HIPK2: variants seen among roughly 807,000 people sequenced by gnomAD.
HIPK2 encodes the protein homeodomain-interacting protein kinase 2.
HIPK2 carries 27 observed loss-of-function variants against 113.7 expected under a neutral mutation model. The ratio of observed to expected loss-of-function variants is 0.24; its 90% CI spans 0.17 to 0.33. The LOEUF is 0.33. HIPK2 is among the 10% of genes least tolerant of loss of function. HIPK2 has a pLI of 1.00. For missense variants in HIPK2, 1,257 were observed against 1,588.0 expected (o/e 0.79, Z 3.54); for synonymous variants, 631 against 642.2 (o/e 0.98, Z 0.26).
At chr7:139,653,359 A>G (rs552297287) in intron 2 of HIPK2, among the ~76,000 whole-genome samples, 1 of 151,982 alleles carries the variant, frequency 6.6e-6, no homozygotes, top group Admixed American at 6.6e-5. Context: ...ATTTGTCTGT[A>G]AACATGAGTA....
chr7:139,624,310 A>G (rs1800345644), intron 6 of HIPK2, among the ~76,000 whole-genome samples: 1 of 152,184 alleles, frequency 6.6e-6, no homozygotes, highest in Non-Finnish European at 1.5e-5. Context: ...GGTGTGAGCC[A>G]CTGCAACCGG....
chr7:139,682,029 A>G (rs1802719120), intron 2 of HIPK2, among the ~76,000 whole-genome samples: 1 of 152,130 alleles, frequency 6.6e-6, no homozygotes, highest in Non-Finnish European at 1.5e-5. Flanking sequence ...GGCTTATGTC[A>G]TGCTGGTACA....
chr7:139,659,887 T>G (rs1585342160), intron 2 of HIPK2, among the ~76,000 whole-genome samples: 1 of 152,242 alleles, frequency 6.6e-6, no homozygotes, highest in African/African-American at 2.4e-5. Flanking sequence ...TTTACTTGGG[T>G]TTAGTCTCTT....
At chr7:139,685,823 A>C (rs1175675054) in intron 2 of HIPK2, among the ~76,000 whole-genome samples, 1 of 152,250 alleles carries the variant, frequency 6.6e-6, no homozygotes, top group African/African-American at 2.4e-5. Flanking sequence ...ATGACTGCTC[A>C]TTGACAATGT....
intron 2 of HIPK2, among the ~76,000 whole-genome samples, chr7:139,674,712 G>A (rs918403710): frequency 6.6e-6 from 1 of 152,218 alleles, no homozygotes; most frequent in African/African-American, 2.4e-5. Context: ...TCAATTCCCA[G>A]AGCTAATTAA....
intron 13 of HIPK2, among the ~76,000 whole-genome samples, chr7:139,575,931 C>T (rs1340581329): frequency 6.6e-6 from 1 of 152,238 alleles, no homozygotes; most frequent in African/African-American, 2.4e-5. Context: ...TGCTGGCATC[C>T]TGTTCTTGGA....
At chr7:139,680,907 C>T (rs1207059056) in intron 2 of HIPK2, among the ~76,000 whole-genome samples, 1 of 152,242 alleles carries the variant, frequency 6.6e-6, no homozygotes, top group Non-Finnish European at 1.5e-5. Context: ...GTGAGGCAGC[C>T]ACAGGGCCAC....
At position 139,646,455 on chromosome 7, in the gene HIPK2, A is replaced by C. The variant is rs570531473; in HGVS notation, c.1104-14730T>G. 1.5e-3 allele frequency among the ~76,000 whole-genome samples: 224 copies of C among 150,426 alleles called. 5 individuals are homozygous for C. The highest frequency in any genetic ancestry group is 2.1e-3 in the Admixed American group (32 of 14,996). ...GTCGAGGCTGCAGTGAGCTGTGATC[A>C]CGCCACTGCACTCCAGCCTGGGTGA... On this transcript the variant is annotated intron_variant, in intron 2 of 14. Transcript: ENST00000406875.
chr7:139,575,578 G>A (rs910783261), intron 13 of HIPK2, among the ~76,000 whole-genome samples: 1 of 152,228 alleles, frequency 6.6e-6, no homozygotes, highest in Non-Finnish European at 1.5e-5. Flanking sequence ...GTGGCCTAAG[G>A]CCAGGCCCAG....
chr7:139,743,810 A>G (rs1260287367), intron 1 of HIPK2, among the ~76,000 whole-genome samples: 1 of 152,204 alleles, frequency 6.6e-6, no homozygotes, highest in African/African-American at 2.4e-5. Context: ...TTAGTTCCAG[A>G]GGTCACCTAA....
chr7:139,743,924 C>A (rs909397667), intron 1 of HIPK2, among the ~76,000 whole-genome samples: 3 of 152,124 alleles, frequency 2.0e-5, no homozygotes, highest in African/African-American at 7.2e-5. Context: ...AGAACTCTTA[C>A]AACTCAATAA....
chr7:139,660,458 G>A (rs899862520), intron 2 of HIPK2, among the ~76,000 whole-genome samples: 1 of 152,210 alleles, frequency 6.6e-6, no homozygotes, highest in Non-Finnish European at 1.5e-5. Context: ...AGAAATAAGG[G>A]AGATAAAAGT....
chr7:139,776,131 G>C (rs1225794556), intron 1 of HIPK2, among the ~76,000 whole-genome samples: 2 of 152,126 alleles, frequency 1.3e-5, no homozygotes, highest in East Asian at 1.9e-4. Flanking sequence ...CATGTCCACC[G>C]GCATGTTCTA....
intron 2 of HIPK2, among the ~76,000 whole-genome samples, chr7:139,662,830 G>A (rs1359734385): frequency 1.3e-5 from 2 of 152,088 alleles, no homozygotes; most frequent in Non-Finnish European, 2.9e-5. Context: ...TGCTGGCCAG[G>A]CTGGTCTCGA....
At position 139,572,930 on chromosome 7, in the gene HIPK2, T is replaced by C. The variant is rs751681164; in HGVS notation, c.3594A>G (p.Ile1198Met). 9.5e-6 allele frequency: 14 copies of C among 1,480,666 alleles called. No individual in the cohort carries two copies. In the African/African-American group the frequency reaches 1.8e-4, roughly 20 times the overall value. 91.7% of individuals were successfully genotyped at this position (1,480,666 alleles called of 1,614,324 possible). Reference protein sequence around the residue: ...SPAKVNQYPYI With the variant: ...SPAKVNQYPYM ...CTCCCTCCCTCCCCTCCAGTGTTTA[T>C]ATGTAAGGGTACTGGTTGACCTTGG... Residue 1198 changes from isoleucine to methionine, a missense_variant, in exon 15 of 15, where the codon ATA (isoleucine) becomes ATG (methionine). By Grantham distance (10) the Ile-to-Met change is conservative (BLOSUM62 1). Around this residue, in one of 5 missense-constraint regions of HIPK2, gnomAD observed 862 missense variants for 1,004.3 expected, o/e 0.86. Coordinates refer to ENST00000406875, the MANE Select transcript of HIPK2 (RefSeq NM_022740.5).
chr7:139,726,001 A>G (rs772120826), intron 1 of HIPK2, among the ~76,000 whole-genome samples: 9 of 152,376 alleles, frequency 5.9e-5, no homozygotes, highest in African/African-American at 1.2e-4. Flanking sequence ...AGGAAGACAG[A>G]CTGAAACTAC....
intron 2 of HIPK2, among the ~76,000 whole-genome samples, chr7:139,662,598 G>C (rs1450848897): frequency 6.6e-6 from 1 of 151,112 alleles, no homozygotes; most frequent in Non-Finnish European, 1.5e-5. Flanking sequence ...ACTGCCAGGC[G>C]AAGTTTCCTA....
intron 2 of HIPK2, among the ~76,000 whole-genome samples, chr7:139,659,509 T>C (rs1801794646): frequency 6.6e-6 from 1 of 152,208 alleles, no homozygotes; most frequent in Admixed American, 6.5e-5. Flanking sequence ...TGTGCACGGA[T>C]AGAGAGAGAT....
At chr7:139,599,156 C>T (rs918378655) in intron 11 of HIPK2, among the ~76,000 whole-genome samples, 2 of 152,238 alleles carry the variant, frequency 1.3e-5, no homozygotes, top group South Asian at 4.1e-4. Context: ...TTAAGCACCT[C>T]AAAGCTGTGC....
Sources: gnomAD v4.1 joint callset for allele counts (sites outside exome capture counted in the v4.1 genomes callset) on GRCh38, gnomAD v4.1.1 for gene constraint, gnomAD v4.1.1 regional missense constraint, MANE v1.5 for transcripts, NCBI Gene and HGNC (gene_info 2026-07-23, HGNC 2026-07-21) for gene names.